The following OXSR1 variants were observed in gnomAD, a reference collection of about 807,000 sequenced individuals.
OXSR1 encodes serine/threonine-protein kinase OSR1.
OXSR1 carries 24 observed loss-of-function variants against 79.8 expected under a neutral mutation model. The ratio of observed to expected loss-of-function variants is 0.30; its 90% CI spans 0.22 to 0.42. OXSR1 has a LOEUF of 0.42. OXSR1 is among the 10% of genes least tolerant of loss of function. The pLI, the probability that OXSR1 is intolerant of heterozygous loss-of-function variation, is 1.00. For missense variants in OXSR1, 430 were observed against 618.4 expected, an observed-to-expected ratio of 0.70 and a Z score of 3.23; for synonymous variants, 226 against 209.2, an observed-to-expected ratio of 1.08 and a Z score of -0.69.
chr3:38,211,306 G>T (rs988812861), intron 4 of OXSR1, among the ~76,000 whole-genome samples: 3 of 152,056 alleles, frequency 2.0e-5, no homozygotes, highest in African/African-American at 7.2e-5. Context: ...TCTGTGGCAC[G>T]GTCCCAGGAA....
In OXSR1 at chr3:38,173,541, A is replaced by G. The variant is rs117579103; in HGVS notation, c.70+7595A>G. On this transcript the variant is annotated intron_variant, in intron 1 of 17. Transcript: ENST00000311806. ...CACATGGAATTATTGTAATGATTAG[A>G]TGAAAAGAAGAAATGTAAGTAAAGA... is the stretch of plus-strand genomic sequence containing the variant. 1.1e-4 allele frequency among the ~76,000 whole-genome samples: 17 copies of G among 152,362 alleles called. No homozygotes were observed. In the East Asian group the frequency reaches 3.3e-3, roughly 29 times the overall value.
chr3:38,209,299 G>A (rs1702337047), intron 4 of OXSR1, among the ~76,000 whole-genome samples: 1 of 151,694 alleles, frequency 6.6e-6, no homozygotes, highest in Admixed American at 6.6e-5. Flanking sequence ...GCTCACTGCA[G>A]CCTTGACCTC....
intron 1 of OXSR1, among the ~76,000 whole-genome samples, chr3:38,169,303 T>TTTTG (rs1045348220): frequency 4.6e-5 from 7 of 151,906 alleles, no homozygotes; most frequent in South Asian, 4.1e-4. Flanking sequence ...TTGTTTTTTT[T>TTTTG]TTTGTTTGTT....
chr3:38,210,515 G>A (rs561878810), intron 4 of OXSR1, among the ~76,000 whole-genome samples: 22 of 152,184 alleles, frequency 1.4e-4, no homozygotes, highest in African/African-American at 2.9e-4. Context: ...ATCTCATGGG[G>A]CTGTAGGAGG....
In OXSR1 at chr3:38,190,818, G is replaced by C; in HGVS notation, c.271G>C (p.Val91Leu). ...SFVVKDELWL[V>L]MKLLSGGSVL... ...TGTGGTAAAAGATGAGCTGTGGCTT[G>C]TCATGAAGCTGCTAAGTGGAGGTGA... Residue 91 changes from valine to leucine, a missense_variant, in exon 3 of 18, where the codon GTC becomes CTC. By Grantham distance (32) the Val-to-Leu change is conservative. Transcript: ENST00000311806. 1 of 1,596,880 alleles carries C rather than the reference G, an allele frequency of 6.3e-7. No homozygotes were observed. The highest frequency in any genetic ancestry group is 8.6e-7 in the Non-Finnish European group (1 of 1,164,574).
chr3:38,204,310 G>A (rs1702226759), intron 4 of OXSR1, among the ~76,000 whole-genome samples: 2 of 152,080 alleles, frequency 1.3e-5, no homozygotes, highest in African/African-American at 2.4e-5. Flanking sequence ...GACCCCAAGC[G>A]CCTGCTTGGT....
Position 38,237,903 on chromosome 3 carries a change from TCATGTA to T in OXSR1, c.1074+943_1074+948del, listed in dbSNP as rs1399266557. 2.0e-5 allele frequency among the ~76,000 whole-genome samples: 3 copies of T among 152,278 alleles called. No individual in the cohort carries two copies. The East Asian group carries it at 5.8e-4, about 29-fold the overall frequency. ...GTGACTCCTGTTTGAATTGATACTC[TCATGTA>T]TTGTTATATTAAAGCTACCAGAGGA... On this transcript the variant is annotated intron_variant, in intron 11 of 17. Coordinates refer to ENST00000311806, the MANE Select transcript of OXSR1 (RefSeq NM_005109.3).
chr3:38,252,199 T>C (rs1703271927), intron 16 of OXSR1, 129 bp from the exon 17 acceptor site: 3 of 707,476 alleles, frequency 4.2e-6, no homozygotes, highest in Admixed American at 4.1e-5. Context: ...GAGTGATTAT[T>C]TGATCTGTCT....
intron 1 of OXSR1, among the ~76,000 whole-genome samples, chr3:38,171,841 T>C (rs979960405): frequency 6.6e-6 from 1 of 152,250 alleles, no homozygotes; most frequent in Admixed American, 6.5e-5. Context: ...TGTGTTATAC[T>C]GTATTTGGCA....
At chr3:38,184,094 G>A (rs570789208) in intron 2 of OXSR1, among the ~76,000 whole-genome samples, 1 of 152,224 alleles carries the variant, frequency 6.6e-6, no homozygotes, top group Admixed American at 6.5e-5. Flanking sequence ...TCGGGTATTA[G>A]AACTGGAATG....
chr3:38,171,609 G>A (rs1478993281), intron 1 of OXSR1, among the ~76,000 whole-genome samples: 1 of 151,284 alleles, frequency 6.6e-6, no homozygotes, highest in Non-Finnish European at 1.5e-5. Context: ...ATCCTACAGA[G>A]AACAGAATCT....
intron 1 of OXSR1, among the ~76,000 whole-genome samples, chr3:38,179,865 GTGGCGCAA>G (rs1466741814): frequency 6.6e-6 from 1 of 151,698 alleles, no homozygotes; most frequent in Non-Finnish European, 1.5e-5. Flanking sequence ...CTGGAGGAAA[GTGGCGCAA>G]TCTCAGCTCA....
intron 11 of OXSR1, among the ~76,000 whole-genome samples, chr3:38,240,204 A>G (rs1046648097): frequency 6.6e-6 from 1 of 152,194 alleles, no homozygotes; most frequent in Non-Finnish European, 1.5e-5. Flanking sequence ...AGAAAACTTA[A>G]GACAAACCTT....
upstream of OXSR1, chr3:38,165,514 G>C: frequency 3.9e-6 from 1 of 254,560 alleles, no homozygotes. Context: ...CGTGTCGGCA[G>C]GTGGAGGAAG....
chr3:38,210,330 G>A (rs762842460), intron 4 of OXSR1, among the ~76,000 whole-genome samples: 20 of 152,100 alleles, frequency 1.3e-4, no homozygotes, highest in East Asian at 1.9e-4. Context: ...TTCCCTTCCC[G>A]TAGATGGGTT....
At position 38,253,081 on chromosome 3, in the gene OXSR1, G is replaced by A. The variant is rs1009799427; in HGVS notation, c.*190G>A. 54 of 588,710 alleles carry A rather than the reference G, an allele frequency of 9.2e-5. No homozygotes were observed. The highest frequency in any genetic ancestry group is 6.8e-4 in the South Asian group (33 of 48,186). 36.5% of individuals were successfully genotyped at this position (588,710 alleles called of 1,614,324 possible). ...CAGGGAAAGAAAAGTTGGATCACTA[G>A]TGGCCAGCATCCCCAGAGTTCCGTT... On this transcript the variant is annotated 3_prime_UTR_variant, in exon 18 of 18. Coordinates refer to ENST00000311806, the MANE Select transcript of OXSR1 (RefSeq NM_005109.3).
chr3:38,229,867 C>G, intron 9 of OXSR1, 132 bp downstream of exon 9: 1 of 732,260 alleles, frequency 1.4e-6, no homozygotes, highest in Non-Finnish European at 2.4e-6. Flanking sequence ...GCAGAAAGCA[C>G]TATGTATACA....
chr3:38,252,373 G>C lies in OXSR1; in HGVS notation c.1490G>C (p.Arg497Pro), dbSNP rs765195729. ...QKIVEEPQSN[R>P]SVTFKLASGV... The stretch of plus-strand genomic sequence containing the variant: ...ATTGTGGAAGAACCTCAGTCAAATC[G>C]ATCTGTCACTTTCAAACTGGTACTC... The change falls in exon 17 of 18, where the codon CGA becomes CCA. Residue 497 changes from arginine to proline, a missense_variant. Arg to Pro is a moderately radical substitution (Grantham distance 103). Coordinates refer to ENST00000311806, the MANE Select transcript of OXSR1 (RefSeq NM_005109.3). 1.4e-5 allele frequency: 22 copies of C among 1,611,160 alleles called. 1 individual carries two copies. In the South Asian group the frequency reaches 2.3e-4, roughly 17 times the overall value.
chr3:38,218,088 T>C (rs1217552394), intron 5 of OXSR1, among the ~76,000 whole-genome samples: 1 of 152,172 alleles, frequency 6.6e-6, no homozygotes, highest in Non-Finnish European at 1.5e-5. Context: ...TGTCCAAATA[T>C]CTGTCTGAGT....
Sources: gnomAD v4.1 joint callset for allele counts (sites outside exome capture counted in the v4.1 genomes callset) on GRCh38, gnomAD v4.1.1 for gene constraint, MANE v1.5 for transcripts, NCBI Gene and HGNC (gene_info 2026-07-23, HGNC 2026-07-21) for gene names.